Variants in DYNC2H1 observed in about 807,000 individuals in gnomAD.
The protein encoded by DYNC2H1 is cytoplasmic dynein 2 heavy chain 1.
In DYNC2H1, 410 loss-of-function variants were observed where a neutral mutation model predicts 570.0. The ratio of observed to expected loss-of-function variants is 0.72; its 90% confidence interval spans 0.66 to 0.78. The LOEUF (loss-of-function observed/expected upper bound fraction) is 0.78. DYNC2H1 is among the 30% of genes least tolerant of loss of function. The pLI is 0.00. For missense variants in DYNC2H1, 4,865 were observed against 5,046.4 expected (o/e 0.96, Z 1.09); for synonymous variants, 1,688 against 1,677.6 (o/e 1.01, Z -0.15).
Position 103,436,037 on chromosome 11 carries a change from G to A in DYNC2H1, c.12456+5G>A. On this transcript the variant is annotated splice_donor_5th_base_variant and intron_variant, in intron 85 of 88. Transcript: ENST00000375735. ...GCCCGTGCCCTTGCAATACAGGTAT[G>A]CCTAAATTATTTACTAAGTGGGTTG... 6.2e-7 allele frequency: 1 copy of A among 1,611,492 alleles called. No homozygotes were observed. Among genetic ancestry groups the A allele is most frequent in the Non-Finnish European group, 8.5e-7 (1 of 1,178,462 alleles).
intron 84 of DYNC2H1, among the ~76,000 whole-genome samples, chr11:103,421,237 A>C (rs1943476115): frequency 1.3e-5 from 2 of 152,294 alleles, no homozygotes; most frequent in Middle Eastern, 3.4e-3. Context: ...ACCTACAAAG[A>C]GACTTAGACT....
intron 83 of DYNC2H1, among the ~76,000 whole-genome samples, chr11:103,362,290 T>C (rs183916718): frequency 1.6e-3 from 235 of 150,870 alleles, no homozygotes; most frequent in Non-Finnish European, 2.7e-3. Context: ...AATATAGACA[T>C]TCCTGCTTCT....
At chr11:103,208,133 G>A (rs953603432) in intron 52 of DYNC2H1, among the ~76,000 whole-genome samples, 1 of 152,132 alleles carries the variant, frequency 6.6e-6, no homozygotes, top group Non-Finnish European at 1.5e-5. Flanking sequence ...ATTTGACTGT[G>A]TAGGTGAGTG....
rs11225720 is a variant in DYNC2H1 at position 103,334,015 on chromosome 11, G to C, written c.12039+10025G>C. 1.1e-4 allele frequency among the ~76,000 whole-genome samples: 16 copies of C among 151,934 alleles called. No individual in the cohort carries two copies. Among genetic ancestry groups the C allele is most frequent in the Non-Finnish European group, 2.9e-5 (2 of 68,002 alleles). On this transcript the variant is annotated intron_variant, in intron 82 of 88. Coordinates refer to ENST00000375735, the MANE Select transcript of DYNC2H1 (RefSeq NM_001377.3). This position sits in a 1 kb window ranked among gnomAD's most constrained non-coding sequence, Gnocchi z 4.3. ...ATTTGTTAATAACGATTCAGTGATGGCACATTCTCTAGGCTAAGAACACTT... is the reference window on the plus strand; with the variant it reads ...ATTTGTTAATAACGATTCAGTGATGCCACATTCTCTAGGCTAAGAACACTT...
chr11:103,152,306 T>C, intron 21 of DYNC2H1, 21 bp downstream of exon 21: 1 of 1,555,958 alleles, frequency 6.4e-7, no homozygotes, highest in South Asian at 1.2e-5. Flanking sequence ...TTTAATTATT[T>C]ATTAAAATGG....
intron 83 of DYNC2H1, among the ~76,000 whole-genome samples, chr11:103,384,244 A>G (rs1465835700): frequency 6.6e-6 from 1 of 152,036 alleles, no homozygotes; most frequent in Non-Finnish European, 1.5e-5. Context: ...TCTCTTCTTG[A>G]TATATTGAAC....
intron 18 of DYNC2H1, among the ~76,000 whole-genome samples, chr11:103,147,374 T>G (rs987148694): frequency 1.3e-5 from 2 of 152,182 alleles, no homozygotes; most frequent in African/African-American, 4.8e-5. Flanking sequence ...TAATTTTGCC[T>G]TATTTTTATT....
intron 78 of DYNC2H1, among the ~76,000 whole-genome samples, chr11:103,308,256 T>G (rs1382056917): frequency 6.6e-6 from 1 of 152,212 alleles, no homozygotes; most frequent in African/African-American, 2.4e-5. Context: ...CCTCATTTAG[T>G]AAAATCATGG....
At chr11:103,409,820 G>T (rs1373075907) in intron 84 of DYNC2H1, among the ~76,000 whole-genome samples, 4 of 91,892 alleles carry the variant, frequency 4.4e-5, no homozygotes, top group Admixed American at 4.1e-4. Context: ...ATGGGTCTCT[G>T]TGTAAAGTTA....
intron 70 of DYNC2H1, among the ~76,000 whole-genome samples, chr11:103,271,987 G>A (rs952700443): frequency 6.6e-6 from 1 of 152,150 alleles, no homozygotes; most frequent in Non-Finnish European, 1.5e-5. Context: ...ACTGTAAACT[G>A]GTTCAACCAT....
rs548925161 is a variant in DYNC2H1 at position 103,149,043 on chromosome 11, C to T, written c.2946+426C>T. 1.8e-4 allele frequency among the ~76,000 whole-genome samples: 27 copies of T among 152,008 alleles called. 1 individual carries two copies. The South Asian group carries it at 3.5e-3, about 20-fold the overall frequency. On this transcript the variant is annotated intron_variant, in intron 20 of 88. Transcript: ENST00000375735. ...CTGCACTCCAGCCTGGGTGACAGAG[C>T]GAGACTCTGTCTCGAAATAAATAAA...
Position 103,257,711 on chromosome 11 carries a change from CT to C in DYNC2H1, c.10569del (p.Leu3524SerfsTer46), listed in dbSNP as rs1565438418. 1 of 1,607,014 alleles carries C rather than the reference CT, an allele frequency of 6.2e-7. No individual in the cohort carries two copies. Among genetic ancestry groups the C allele is most frequent in the Non-Finnish European group, 8.5e-7 (1 of 1,176,378 alleles). The stretch of plus-strand genomic sequence containing the variant: ...AACATGTACCGTTTTAGTTTGGCTG[CT>C]TTTCTCCGACTTTTCCAACGAGCTC... ...INNMYRFSLA[A>X]FLRLFQRALQ... is the part of the protein sequence containing the mutation. On this transcript the variant is annotated frameshift_variant, in exon 69 of 89. Coordinates refer to ENST00000375735, the MANE Select transcript of DYNC2H1 (RefSeq NM_001377.3). LOFTEE classifies it high-confidence loss of function.
chr11:103,179,036 A>T lies in DYNC2H1; in HGVS notation c.6150A>T (p.Ser2050=). 1.9e-6 allele frequency: 3 copies of T among 1,608,398 alleles called. No individual in the cohort carries two copies. Among genetic ancestry groups the T allele is most frequent in the Non-Finnish European group, 2.6e-6 (3 of 1,176,188 alleles). The change falls in exon 39 of 89, where the codon TCA becomes TCT. Residue 2050 remains serine (S), a synonymous_variant. Coordinates refer to ENST00000375735, the MANE Select transcript of DYNC2H1 (RefSeq NM_001377.3). Reference sequence around the variant, plus strand: ...TTGATTTGAAAATAGATGTCAGCTCATGGATAATCTGTGATGGTGATATTG... The same window carrying T: ...TTGATTTGAAAATAGATGTCAGCTCTTGGATAATCTGTGATGGTGATATTG... The part of the protein sequence containing the change: ...QVVREPQDVS[S]WIICDGDIDP...
At chr11:103,370,327 C>G (rs1591640895) in intron 83 of DYNC2H1, among the ~76,000 whole-genome samples, 1 of 152,210 alleles carries the variant, frequency 6.6e-6, no homozygotes, top group East Asian at 1.9e-4. Flanking sequence ...AGGTAGAGTT[C>G]TAAGATTTTT....
At chr11:103,286,171 TCTCA>T in intron 73 of DYNC2H1, 80 bp from the exon 74 acceptor site, 2 of 1,519,742 alleles carry the variant, frequency 1.3e-6, no homozygotes, top group Non-Finnish European at 1.8e-6. Flanking sequence ...AATAATTGGT[TCTCA>T]CTTTTAGTTT....
At chr11:103,401,285 G>A (rs997909002) in intron 84 of DYNC2H1, among the ~76,000 whole-genome samples, 12 of 152,060 alleles carry the variant, frequency 7.9e-5, no homozygotes, top group African/African-American at 2.9e-4. Flanking sequence ...AAATATAAAT[G>A]CTCTTGAGAG....
chr11:103,465,932 G>A lies in DYNC2H1; in HGVS notation c.12649-2657G>A, dbSNP rs1009515940. 5.9e-5 allele frequency among the ~76,000 whole-genome samples: 9 copies of A among 152,282 alleles called. No individual in the cohort carries two copies. The highest frequency in any genetic ancestry group is 1.9e-4 in the East Asian group (1 of 5,180). Reference sequence around the variant, plus strand: ...TCAAGGGGTAGAAAAGAAACTCCACGTCCTGAAGGAAGCAGCAGCCAAGCT... The same window carrying A: ...TCAAGGGGTAGAAAAGAAACTCCACATCCTGAAGGAAGCAGCAGCCAAGCT... On this transcript the variant is annotated intron_variant, in intron 87 of 88. Coordinates refer to ENST00000375735, the MANE Select transcript of DYNC2H1 (RefSeq NM_001377.3). This position sits in a 1 kb window ranked among gnomAD's most constrained non-coding sequence, Gnocchi z 4.9.
intron 83 of DYNC2H1, among the ~76,000 whole-genome samples, chr11:103,383,024 T>C (rs1356289812): frequency 1.3e-5 from 2 of 152,140 alleles, no homozygotes; most frequent in Non-Finnish European, 1.5e-5. Context: ...AATCTGAATG[T>C]AGAATTGGAG....
chr11:103,392,886 A>AT lies in DYNC2H1; in HGVS notation c.12157-6763dup, dbSNP rs5794232. 9.3e-3 allele frequency among the ~76,000 whole-genome samples: 1,350 copies of AT among 145,866 alleles called. 5 individuals carry two copies. The highest frequency in any genetic ancestry group is 0.014 in the Non-Finnish European group (929 of 65,966). On this transcript the variant is annotated intron_variant, in intron 83 of 88. Transcript: ENST00000375735. ...CTCACACTCTTATATTCCTGAAACT[A>AT]TTTTTTTTTTTTTTGAAATGGAGTT... is the stretch of plus-strand genomic sequence containing the variant.
Sources: gnomAD v4.1 joint callset for allele counts (sites outside exome capture counted in the v4.1 genomes callset) on GRCh38, gnomAD v4.1.1 for gene constraint, Gnocchi (gnomAD v3.1) non-coding constraint, MANE v1.5 for transcripts, NCBI Gene and HGNC (gene_info 2026-07-23, HGNC 2026-07-21) for gene names.